Variants in FHL2 observed in about 807,000 individuals in gnomAD.
FHL2 encodes four and a half LIM domains protein 2.
A neutral mutation model predicts 32.7 loss-of-function variants in FHL2; 20 were observed. The observed-to-expected ratio is 0.61, with a 90% CI of 0.43 to 0.89. The LOEUF (loss-of-function observed/expected upper bound fraction) is 0.89, where lower values mean the gene tolerates loss of function less well. FHL2 is among the 40% of genes least tolerant of loss of function. The pLI is 0.00. For missense variants in FHL2, 311 were observed against 358.6 expected, an observed-to-expected ratio of 0.87 and a Z score of 1.07; for synonymous variants, 123 against 128.1, an observed-to-expected ratio of 0.96 and a Z score of 0.27.
chr2:105,396,692 C>G lies in FHL2; in HGVS notation c.-70G>C, dbSNP rs1455157593. The G allele has an allele frequency of 6.2e-7, 1 of 1,612,698 alleles. No individual in the cohort carries two copies. Among genetic ancestry groups the G allele is most frequent in the Admixed American group, 1.7e-5 (1 of 59,990 alleles). On this transcript the variant is annotated 5_prime_UTR_variant, in exon 2 of 7. Coordinates refer to ENST00000530340, the MANE Select transcript of FHL2 (RefSeq NM_001318895.3). Reference sequence around the variant, plus strand: ...CTAGTCTCCAGGAAGACACAGTTCTCAGCCACTAGAGAAAGCACACGTGTT... The same window carrying G: ...CTAGTCTCCAGGAAGACACAGTTCTGAGCCACTAGAGAAAGCACACGTGTT...
At chr2:105,412,531 AT>A in intron 1 of FHL2, among the ~76,000 whole-genome samples, 1 of 152,344 alleles carries the variant, frequency 6.6e-6, no homozygotes, top group South Asian at 2.1e-4. Context: ...AGCTGATGGT[AT>A]GAACATAGGG....
At chr2:105,380,525 G>A (rs560305381) in intron 3 of FHL2, among the ~76,000 whole-genome samples, 6 of 152,096 alleles carry the variant, frequency 3.9e-5, no homozygotes, top group Non-Finnish European at 7.4e-5. Context: ...CACCACGCCC[G>A]GCTCAAGTGA....
downstream of FHL2, chr2:105,359,511 C>T (rs1160271358): frequency 6.6e-6 from 1 of 152,182 alleles, no homozygotes; most frequent in Non-Finnish European, 1.5e-5. Context: ...TTCTGTTGCT[C>T]AGCCTATCAT....
intron 1 of FHL2, among the ~76,000 whole-genome samples, chr2:105,415,327 A>G (rs1683902272): frequency 6.6e-6 from 1 of 152,224 alleles, no homozygotes; most frequent in Non-Finnish European, 1.5e-5. Flanking sequence ...GAATATCTGG[A>G]AGGATGCACA....
upstream of FHL2, chr2:105,399,513 CTTCTTTACGAAA>C (rs1470007713): frequency 1.3e-6 from 2 of 1,536,038 alleles, no homozygotes; most frequent in Non-Finnish European, 1.7e-6. Flanking sequence ...CCTGCAGATG[CTTCTTTACGAAA>C]TGAACACCAC....
chr2:105,430,601 G>A (rs140108484), intron 1 of FHL2, among the ~76,000 whole-genome samples: 2,604 of 152,336 alleles, frequency 0.017, 29 homozygotes, highest in Non-Finnish European at 0.028. Flanking sequence ...CTGGGAGGTA[G>A]AGGTTGAAGT....
chr2:105,436,124 G>C (rs1684602016), intron 1 of FHL2, among the ~76,000 whole-genome samples: 2 of 152,090 alleles, frequency 1.3e-5, no homozygotes, highest in African/African-American at 2.4e-5. Flanking sequence ...ACTTATGTGA[G>C]TTCTTTTCTA....
chr2:105,391,284 A>G (rs781641133), intron 2 of FHL2, among the ~76,000 whole-genome samples: 3 of 152,194 alleles, frequency 2.0e-5, no homozygotes, highest in Non-Finnish European at 4.4e-5. Context: ...CTAGTGAGGA[A>G]AAGAGATATA....
At chr2:105,367,798 A>G (rs1454034537) in intron 4 of FHL2, 59 bp from the exon 5 acceptor site, 1 of 1,539,508 alleles carries the variant, frequency 6.5e-7, no homozygotes, top group East Asian at 2.3e-5. Context: ...GTGGAGTCCC[A>G]GCAATCTGCC....
At chr2:105,422,097 C>G (rs901719846) in intron 1 of FHL2, among the ~76,000 whole-genome samples, 5 of 152,202 alleles carry the variant, frequency 3.3e-5, no homozygotes, top group Non-Finnish European at 7.3e-5. Context: ...TCCTCCAACA[C>G]CATGCATGTC....
At chr2:105,364,242 T>TGA (rs1680481741) in intron 5 of FHL2, among the ~76,000 whole-genome samples, 1 of 149,934 alleles carries the variant, frequency 6.7e-6, no homozygotes, top group East Asian at 1.9e-4. Flanking sequence ...GACAACAGAG[T>TGA]GAGACTGTCT....
At chr2:105,405,135 C>T (rs1683588297) in intron 1 of FHL2, among the ~76,000 whole-genome samples, 2 of 152,160 alleles carry the variant, frequency 1.3e-5, no homozygotes, top group African/African-American at 4.8e-5. Flanking sequence ...AAAAACTTTG[C>T]TTCTTATTTG....
At chr2:105,394,066 A>G (rs1573363820) in intron 2 of FHL2, among the ~76,000 whole-genome samples, 1 of 152,278 alleles carries the variant, frequency 6.6e-6, no homozygotes, top group East Asian at 1.9e-4. Context: ...AAGATCCTCC[A>G]TTCAAAGGCA....
Position 105,396,673 on chromosome 2 carries a change from T to A in FHL2, c.-51A>T. On this transcript the variant is annotated 5_prime_UTR_variant, in exon 2 of 7. Transcript: ENST00000530340. ...CCAAAGTCAAAATGCCAGCCTAGTC[T>A]CCAGGAAGACACAGTTCTCAGCCAC... 1 of 1,612,814 alleles carries A rather than the reference T, an allele frequency of 6.2e-7. No individual in the cohort carries two copies. The highest frequency in any genetic ancestry group is 1.3e-5 in the African/African-American group (1 of 75,048).
chr2:105,425,933 G>A (rs1234248802), intron 1 of FHL2, among the ~76,000 whole-genome samples: 7 of 152,146 alleles, frequency 4.6e-5, no homozygotes, highest in Admixed American at 2.0e-4. Flanking sequence ...TGTGCTGAGC[G>A]CCGGTCCCCT....
chr2:105,370,430 GAATCGCT>G (rs1680968999), intron 4 of FHL2, among the ~76,000 whole-genome samples: 1 of 152,126 alleles, frequency 6.6e-6, no homozygotes, highest in African/African-American at 2.4e-5. Context: ...GTTGGAGACA[GAATCGCT>G]ACTTGAGTCT....
intron 3 of FHL2, among the ~76,000 whole-genome samples, chr2:105,384,975 C>T (rs1392003663): frequency 6.6e-6 from 1 of 152,174 alleles, no homozygotes. Flanking sequence ...AGAGAAAAGT[C>T]GTCAGGTGCA....
At chr2:105,373,459 G>T in intron 4 of FHL2, 100 bp downstream of exon 4, 10 of 1,300,608 alleles carry the variant, frequency 7.7e-6, no homozygotes, top group Non-Finnish European at 1.1e-5. Flanking sequence ...AAGTCAACAC[G>T]AGTGTCTGGA....
At chr2:105,425,168 C>G (rs1684221003) in intron 1 of FHL2, among the ~76,000 whole-genome samples, 1 of 152,042 alleles carries the variant, frequency 6.6e-6, no homozygotes, top group African/African-American at 2.4e-5. Flanking sequence ...GCCCCAGCCA[C>G]TTTGCCTCAG....
Sources: allele counts gnomAD v4.1 joint callset (sites outside exome capture counted in the v4.1 genomes callset), GRCh38; gene constraint gnomAD v4.1.1; transcripts MANE v1.5; gene names NCBI Gene and HGNC (gene_info 2026-07-23, HGNC 2026-07-21).